The following DLGAP2 variants were observed in gnomAD, a reference collection of about 807,000 sequenced individuals.
DLGAP2 encodes the protein DLG associated protein 2.
A neutral mutation model predicts 100.3 loss-of-function variants in DLGAP2; 26 were observed. The ratio of observed to expected loss-of-function variants is 0.26; its 90% CI spans 0.19 to 0.36. DLGAP2 has a LOEUF of 0.36. Among genes scored for constraint, DLGAP2 ranks in the 10% least tolerant of loss-of-function variants. The probability of loss-of-function intolerance (pLI) is 1.00; values close to 1 mark genes in which losing one functional copy is unlikely to be tolerated. For missense variants in DLGAP2, 1,858 were observed against 1,453.2 expected, an observed-to-expected ratio of 1.28 and a Z score of -4.53; for synonymous variants, 886 against 630.1, an observed-to-expected ratio of 1.41 and a Z score of -6.08.
intron 2 of DLGAP2, among the ~76,000 whole-genome samples, chr8:996,423 A>C (rs1800785803): frequency 6.6e-6 from 1 of 152,124 alleles, no homozygotes. Flanking sequence ...TGCTTTGAGC[A>C]AAGCAAAGGC....
At chr8:1,093,932 C>T (rs1486042130) in intron 2 of DLGAP2, among the ~76,000 whole-genome samples, 2 of 151,592 alleles carry the variant, frequency 1.3e-5, no homozygotes. Context: ...GAAGTCCATG[C>T]CTCTCTGTGT....
chr8:1,234,270 A>G (rs756932971), intron 2 of DLGAP2, among the ~76,000 whole-genome samples: 5 of 152,180 alleles, frequency 3.3e-5, no homozygotes, highest in African/African-American at 1.2e-4. Flanking sequence ...TGCACGTCTC[A>G]CCGCTCTGGA....
At chr8:1,603,469 G>C (rs58106326) in intron 6 of DLGAP2, among the ~76,000 whole-genome samples, 1 of 148,490 alleles carries the variant, frequency 6.7e-6, no homozygotes. Flanking sequence ...TCTCAGTTCT[G>C]TAGAGGCTGG....
intron 2 of DLGAP2, among the ~76,000 whole-genome samples, chr8:1,009,005 C>T (rs571353872): frequency 6.6e-6 from 1 of 152,368 alleles, no homozygotes; most frequent in Non-Finnish European, 1.5e-5. Flanking sequence ...CCTCGCAGGC[C>T]TCCAGTACCC....
intron 3 of DLGAP2, among the ~76,000 whole-genome samples, chr8:1,269,289 T>C (rs1230117997): frequency 3.3e-5 from 5 of 152,128 alleles, no homozygotes; most frequent in African/African-American, 4.8e-5. Flanking sequence ...CAGAGGGTGT[T>C]CCAGCCTGGA....
chr8:825,107 C>G (rs905242849), intron 1 of DLGAP2, among the ~76,000 whole-genome samples: 6 of 152,194 alleles, frequency 3.9e-5, no homozygotes, highest in Non-Finnish European at 5.9e-5. Flanking sequence ...ACTGCAGACC[C>G]TGCCAGAGGA....
chr8:1,068,925 G>A (rs1803342287), intron 2 of DLGAP2, among the ~76,000 whole-genome samples: 1 of 152,120 alleles, frequency 6.6e-6, no homozygotes, highest in African/African-American at 2.4e-5. Flanking sequence ...CAGCCCCGGG[G>A]GCTGGGCTCA....
At chr8:1,322,078 T>C (rs551718285) in intron 3 of DLGAP2, among the ~76,000 whole-genome samples, 1 of 152,314 alleles carries the variant, frequency 6.6e-6, no homozygotes, top group East Asian at 1.9e-4. Flanking sequence ...GCAGAAACCC[T>C]AGATAACAGT....
chr8:1,671,246 G>C (rs1438150250), intron 10 of DLGAP2, among the ~76,000 whole-genome samples: 1 of 152,216 alleles, frequency 6.6e-6, no homozygotes, highest in African/African-American at 2.4e-5. Flanking sequence ...TCAGGAGCCT[G>C]CCCTGGTTCT....
intron 2 of DLGAP2, among the ~76,000 whole-genome samples, chr8:1,216,962 C>A (rs1798225896): frequency 6.6e-6 from 1 of 152,096 alleles, no homozygotes; most frequent in Non-Finnish European, 1.5e-5. Flanking sequence ...TTGGTTTTTT[C>A]TTCAACTTTT....
At chr8:1,658,835 T>C (rs1798343908) in intron 8 of DLGAP2, among the ~76,000 whole-genome samples, 1 of 152,330 alleles carries the variant, frequency 6.6e-6, no homozygotes, top group East Asian at 1.9e-4. Flanking sequence ...TCTCCTTCAG[T>C]TCTGCTGTGA....
At chr8:740,337 C>T (rs1484380451) in intron 1 of DLGAP2, 1 of 152,194 alleles carries the variant, frequency 6.6e-6, no homozygotes, top group Admixed American at 6.5e-5. Flanking sequence ...CAAAGTGGTA[C>T]AGCTTGAGAC....
At chr8:1,464,285 ACGCCCTTCCAGGATG>A (rs1798551394) in intron 3 of DLGAP2, among the ~76,000 whole-genome samples, 1 of 30,458 alleles carries the variant, frequency 3.3e-5, no homozygotes, top group Non-Finnish European at 5.7e-5. Flanking sequence ...TTCCAGGACA[ACGCCCTTCCAGGATG>A]GCACCCTTCC....
intron 2 of DLGAP2, among the ~76,000 whole-genome samples, chr8:1,214,295 A>G (rs1271612773): frequency 6.6e-6 from 1 of 152,232 alleles, no homozygotes; most frequent in Non-Finnish European, 1.5e-5. Flanking sequence ...GCTCCAGGAC[A>G]AAAGCTCACT....
At chr8:974,850 G>C (rs972145711) in intron 2 of DLGAP2, among the ~76,000 whole-genome samples, 1 of 151,996 alleles carries the variant, frequency 6.6e-6, no homozygotes, top group South Asian at 2.1e-4. Context: ...CTAGAGAAGA[G>C]CAAATTAAAT....
intron 2 of DLGAP2, among the ~76,000 whole-genome samples, chr8:1,171,401 G>A (rs370146872): frequency 5.3e-5 from 8 of 152,110 alleles, no homozygotes; most frequent in South Asian, 2.1e-4. Flanking sequence ...TATTAGGTCC[G>A]CTTGGCGCAG....
intron 3 of DLGAP2, among the ~76,000 whole-genome samples, chr8:1,478,307 G>A (rs1304156018): frequency 6.6e-6 from 1 of 152,172 alleles, no homozygotes; most frequent in Non-Finnish European, 1.5e-5. Context: ...TTGCAGCCAG[G>A]AGGACACATA....
chr8:1,644,163 C>T (rs1241480805), intron 8 of DLGAP2, among the ~76,000 whole-genome samples: 1 of 152,114 alleles, frequency 6.6e-6, no homozygotes, highest in East Asian at 1.9e-4. Flanking sequence ...TTTAAGTGCT[C>T]ACCTGGGTGC....
intron 2 of DLGAP2, among the ~76,000 whole-genome samples, chr8:920,434 C>G (rs1268503097): frequency 6.6e-6 from 1 of 152,200 alleles, no homozygotes; most frequent in African/African-American, 2.4e-5. Context: ...CTTTGTGAAT[C>G]CTGGGTGCAT....
Sources: gnomAD v4.1 joint callset for allele counts (sites outside exome capture counted in the v4.1 genomes callset) on GRCh38, gnomAD v4.1.1 for gene constraint, MANE v1.5 for transcripts, NCBI Gene and HGNC (gene_info 2026-07-23, HGNC 2026-07-21) for gene names.